The following COL5A2 variants were observed in gnomAD, a reference collection of about 807,000 sequenced individuals.
COL5A2 encodes collagen alpha-2(V) chain.
In COL5A2, 23 loss-of-function variants were observed where a neutral mutation model predicts 208.2. That is an observed-to-expected ratio of 0.11 (90% confidence interval 0.08 to 0.16). The LOEUF is 0.16. Among genes scored for constraint, COL5A2 ranks in the 10% least tolerant of loss-of-function variants. The probability of loss-of-function intolerance (pLI) is 1.00; values close to 1 mark genes in which losing one functional copy is unlikely to be tolerated. For missense variants in COL5A2, 1,590 were observed against 1,956.4 expected, an observed-to-expected ratio of 0.81 and a Z score of 3.53; for synonymous variants, 625 against 628.5, an observed-to-expected ratio of 0.99 and a Z score of 0.08.
chr2:189,168,362 A>G (rs1688511668), intron 1 of COL5A2, among the ~76,000 whole-genome samples: 2 of 151,478 alleles, frequency 1.3e-5, no homozygotes, highest in South Asian at 4.2e-4. Flanking sequence ...TTATGTTTGT[A>G]GCCAAAGATC....
intron 1 of COL5A2, among the ~76,000 whole-genome samples, chr2:189,114,081 T>C (rs778069495): frequency 2.0e-5 from 3 of 152,238 alleles, no homozygotes; most frequent in Admixed American, 6.5e-5. Context: ...TGAGTCATCA[T>C]GGCTTCCCTT....
the COL5A2 span, among the ~76,000 whole-genome samples, chr2:189,363,757 G>A: frequency 6.6e-6 from 1 of 152,174 alleles, no homozygotes; most frequent in Non-Finnish European, 1.5e-5. Flanking sequence ...AATCTGGCAA[G>A]AGGAAGTGGA....
chr2:189,137,946 G>T (rs1429452213), intron 1 of COL5A2, among the ~76,000 whole-genome samples: 1 of 152,138 alleles, frequency 6.6e-6, no homozygotes, highest in Non-Finnish European at 1.5e-5. Flanking sequence ...AAATATCTGT[G>T]TGGGCCTAAT....
intron 12 of COL5A2, among the ~76,000 whole-genome samples, chr2:189,083,185 T>C (rs1364964129): frequency 6.6e-6 from 1 of 152,098 alleles, no homozygotes; most frequent in Non-Finnish European, 1.5e-5. Context: ...GAAGTAGGAA[T>C]GTTTGAAGAG....
chr2:189,410,530 C>T, the COL5A2 span, among the ~76,000 whole-genome samples: 1 of 152,082 alleles, frequency 6.6e-6, no homozygotes, highest in Non-Finnish European at 1.5e-5. Flanking sequence ...CACACCAATT[C>T]ACACTAGCCT....
At chr2:189,209,178 A>C (rs1420048775) in intron 1 of COL5A2, among the ~76,000 whole-genome samples, 1 of 151,778 alleles carries the variant, frequency 6.6e-6, no homozygotes, top group African/African-American at 2.4e-5. Flanking sequence ...CTAACAACTG[A>C]TAATCAATAC....
At chr2:189,249,341 T>G in the COL5A2 span, among the ~76,000 whole-genome samples, 3 of 152,302 alleles carry the variant, frequency 2.0e-5, no homozygotes, top group South Asian at 6.2e-4. Context: ...TCTTGAAGTA[T>G]GAGGTTTACA....
At chr2:189,216,418 T>C (rs765752336) in intron 1 of COL5A2, among the ~76,000 whole-genome samples, 98 of 152,020 alleles carry the variant, frequency 6.4e-4, no homozygotes, top group Non-Finnish European at 1.3e-3. Context: ...TTCAATATTC[T>C]TTTCTCTAAG....
chr2:189,438,294 G>A, the COL5A2 span, among the ~76,000 whole-genome samples: 1 of 151,584 alleles, frequency 6.6e-6, no homozygotes. Flanking sequence ...AGTAACTCTG[G>A]GAAAAAAAGA....
At position 189,167,995 on chromosome 2, in the gene COL5A2, T is replaced by G. The variant is rs566230264; in HGVS notation, c.97+11513A>C. Among the ~76,000 whole-genome samples the G allele has an allele frequency of 2.4e-3, 353 of 149,930 alleles. 2 individuals are homozygous for G. Among genetic ancestry groups the G allele is most frequent in the African/African-American group, 8.4e-3 (346 of 40,964 alleles). On this transcript the variant is annotated intron_variant, in intron 1 of 53. Coordinates refer to ENST00000374866, the MANE Select transcript of COL5A2 (RefSeq NM_000393.5). The stretch of plus-strand genomic sequence containing the variant: ...CGCTGTCACCCAGGCTGGAGTGCAG[T>G]GGCGCCATCTCGGCTCACCGCAAGC...
At chr2:189,299,596 A>G in the COL5A2 span, among the ~76,000 whole-genome samples, 6 of 152,304 alleles carry the variant, frequency 3.9e-5, no homozygotes, top group East Asian at 1.2e-3. Context: ...GTGTCTGTCA[A>G]ATATTACTTG....
chr2:189,250,804 AC>A, the COL5A2 span, among the ~76,000 whole-genome samples: 2 of 152,110 alleles, frequency 1.3e-5, no homozygotes, highest in African/African-American at 4.8e-5. Flanking sequence ...AAATAATACC[AC>A]AACCCTACTC....
intron 15 of COL5A2, among the ~76,000 whole-genome samples, chr2:189,078,798 G>A (rs1035033864): frequency 3.3e-5 from 5 of 152,046 alleles, no homozygotes; most frequent in African/African-American, 9.7e-5. Context: ...CTAAATCTGC[G>A]ATAATCTTGA....
the COL5A2 span, among the ~76,000 whole-genome samples, chr2:189,437,521 T>G: frequency 1.8e-4 from 27 of 152,310 alleles, no homozygotes; most frequent in South Asian, 2.9e-3. Flanking sequence ...ACAATTTTAA[T>G]CTATGGGTTT....
chr2:189,087,152 G>A (rs903575811), intron 8 of COL5A2, among the ~76,000 whole-genome samples: 13 of 151,190 alleles, frequency 8.6e-5, no homozygotes, highest in African/African-American at 2.9e-4. Context: ...CAGATTCACA[G>A]CAGATAATTC....
At chr2:189,204,064 A>AT (rs1689113501) in intron 1 of COL5A2, among the ~76,000 whole-genome samples, 2 of 152,026 alleles carry the variant, frequency 1.3e-5, no homozygotes, top group African/African-American at 2.4e-5. Context: ...CGCCCGGCTA[A>AT]TTTTTTGTAT....
intron 29 of COL5A2, 107 bp from the exon 30 acceptor site, chr2:189,061,722 C>T: frequency 3.4e-6 from 3 of 882,292 alleles, no homozygotes; most frequent in Non-Finnish European, 5.6e-6. Context: ...TTCTTCCAAT[C>T]ACATGTTTTT....
chr2:189,134,640 A>G (rs996105832), intron 1 of COL5A2, among the ~76,000 whole-genome samples: 2 of 152,222 alleles, frequency 1.3e-5, no homozygotes, highest in African/African-American at 4.8e-5. Context: ...CATAAAGCAA[A>G]TTCAAAATTG....
intron 1 of COL5A2, among the ~76,000 whole-genome samples, chr2:189,219,322 A>T (rs1013398547): frequency 6.6e-6 from 1 of 152,102 alleles, no homozygotes; most frequent in South Asian, 2.1e-4. Flanking sequence ...ACTGGTTAAC[A>T]CTCCAGTCAA....
Sources: allele counts gnomAD v4.1 joint callset (sites outside exome capture counted in the v4.1 genomes callset), GRCh38; gene constraint gnomAD v4.1.1; transcripts MANE v1.5; gene names NCBI Gene and HGNC (gene_info 2026-07-23, HGNC 2026-07-21).